DHX40: variants seen among roughly 807,000 people sequenced by gnomAD.
DHX40 encodes probable ATP-dependent RNA helicase DHX40.
DHX40 carries 28 observed loss-of-function variants against 89.6 expected under a neutral mutation model. The ratio of observed to expected loss-of-function variants is 0.31; its 90% CI spans 0.23 to 0.43. The LOEUF (loss-of-function observed/expected upper bound fraction) is 0.43. Among genes scored for constraint, DHX40 ranks in the 20% least tolerant of loss-of-function variants. The pLI, the probability that DHX40 is intolerant of heterozygous loss-of-function variation, is 1.00. For missense variants in DHX40, 457 were observed against 844.0 expected (o/e 0.54, Z 5.68); for synonymous variants, 226 against 283.6 (o/e 0.80, Z 2.04).
Position 59,602,594 on chromosome 17 carries a change from T to C in DHX40, c.1879T>C (p.Tyr627His). Residue 627 changes from tyrosine (Y) to histidine (H), a missense_variant, in exon 15 of 18, where the codon TAT becomes CAT. Coordinates refer to ENST00000251241, the MANE Select transcript of DHX40 (RefSeq NM_024612.5). ...ACTACGAAGATGTCTTTGTGCGGGC[T>C]ATTTCAAAAATGTAGCTCGAAGGTA... The part of the protein sequence containing the change: ...EVLRRCLCAG[Y>H]FKNVARRSVG... 6.2e-7 allele frequency: 1 copy of C among 1,613,886 alleles called. No individual in the cohort carries two copies. Among genetic ancestry groups the C allele is most frequent in the Non-Finnish European group, 8.5e-7 (1 of 1,179,816 alleles).
At chr17:59,591,860 A>C (rs1393819189) in intron 12 of DHX40, among the ~76,000 whole-genome samples, 1 of 151,790 alleles carries the variant, frequency 6.6e-6, no homozygotes, top group Non-Finnish European at 1.5e-5. Flanking sequence ...ACATTAATCA[A>C]AATTCGGAAA....
intron 4 of DHX40, 108 bp downstream of exon 4, chr17:59,573,343 T>G: frequency 3.1e-6 from 3 of 956,940 alleles, no homozygotes; most frequent in Non-Finnish European, 4.5e-6. Flanking sequence ...TAATTTAATT[T>G]TTTAGAGATG....
intron 11 of DHX40, among the ~76,000 whole-genome samples, chr17:59,587,322 C>T (rs2049014021): frequency 6.6e-6 from 1 of 151,114 alleles, no homozygotes; most frequent in African/African-American, 2.4e-5. Flanking sequence ...CTCCCAGGTT[C>T]AAGCAATTCT....
Position 59,573,783 on chromosome 17 carries a change from C to A in DHX40, c.590C>A (p.Ser197Tyr). Reference sequence around the variant, plus strand: ...TTGAAGAAGCTATTTCAGGAGAAGTCTCCTAATAGGAAGGAGCATTTAAAA... The same window carrying A: ...TTGAAGAAGCTATTTCAGGAGAAGTATCCTAATAGGAAGGAGCATTTAAAA... Reference protein sequence around the residue: ...GLLKKLFQEKSPNRKEHLKVV... With the variant: ...GLLKKLFQEKYPNRKEHLKVV... The change falls in exon 5 of 18, where the codon TCT becomes TAT. Residue 197 changes from serine (S) to tyrosine (Y), a missense_variant. Coordinates refer to ENST00000251241, the MANE Select transcript of DHX40 (RefSeq NM_024612.5). The A allele has an allele frequency of 6.2e-7, 1 of 1,613,928 alleles. No individual in the cohort carries two copies. The highest frequency in any genetic ancestry group is 8.5e-7 in the Non-Finnish European group (1 of 1,179,924).
In DHX40 at chr17:59,599,500, T is replaced by A. The variant is rs1298223672; in HGVS notation, c.1806+17T>A. On this transcript the variant is annotated intron_variant, in intron 14 of 17. Transcript: ENST00000251241. The stretch of plus-strand genomic sequence containing the variant: ...CTTAAACAGGTGATTGCCGTAATGT[T>A]TTTTTTCTTGAGTAGCATTTTGGAC... 1 of 1,610,364 alleles carries A rather than the reference T, an allele frequency of 6.2e-7. No homozygotes were observed. The highest frequency in any genetic ancestry group is 1.1e-5 in the South Asian group (1 of 90,782).
chr17:59,589,215 ATT>A (rs1209554990), intron 12 of DHX40, among the ~76,000 whole-genome samples: 43 of 89,290 alleles, frequency 4.8e-4, no homozygotes, highest in Middle Eastern at 8.5e-3. Context: ...ACTTGCTGGG[ATT>A]TTTTTTTTTT....
At chr17:59,581,068 C>A (rs1300369481) in intron 10 of DHX40, among the ~76,000 whole-genome samples, 1 of 150,156 alleles carries the variant, frequency 6.7e-6, no homozygotes, top group Non-Finnish European at 1.5e-5. Flanking sequence ...GTCAACAGAG[C>A]GAGATTCTGT....
chr17:59,603,575 C>A (rs2030667102), intron 15 of DHX40: 1 of 152,090 alleles, frequency 6.6e-6, no homozygotes, highest in Non-Finnish European at 1.5e-5. Flanking sequence ...ACACTTTAAG[C>A]ATCAAAATAA....
intron 7 of DHX40, among the ~76,000 whole-genome samples, chr17:59,576,908 C>T (rs1789956443): frequency 2.0e-5 from 3 of 148,766 alleles, no homozygotes; most frequent in Admixed American, 6.7e-5. Flanking sequence ...CTCGCTCTGT[C>T]GCCCAGGCTG....
At chr17:59,578,221 G>A (rs1481783402) in intron 8 of DHX40, among the ~76,000 whole-genome samples, 1 of 133,576 alleles carries the variant, frequency 7.5e-6, no homozygotes, top group Admixed American at 7.9e-5. Context: ...CAAAGATCCT[G>A]TGTGTTTCTT....
At chr17:59,602,767 G>A (rs1008022464) in intron 15 of DHX40, 151 bp downstream of exon 15, 9 of 730,312 alleles carry the variant, frequency 1.2e-5, no homozygotes, top group African/African-American at 8.9e-5. Flanking sequence ...CTACAGTGAC[G>A]AGGGAGAGCT....
At position 59,607,437 on chromosome 17, in the gene DHX40, G is replaced by A; in HGVS notation, c.*265G>A. On this transcript the variant is annotated 3_prime_UTR_variant, in exon 18 of 18. Transcript: ENST00000251241. ...AGTACATGTAATAATATTTTCCTCA[G>A]TACAATTTTGCTGGCCTTAACTGGT... 1 of 646,854 alleles carries A rather than the reference G, an allele frequency of 1.5e-6. No homozygotes were observed. Among genetic ancestry groups the A allele is most frequent in the Non-Finnish European group, 2.6e-6 (1 of 382,244 alleles). The allele number at this position is 646,854 out of a possible 1,614,324, so 40.1% of individuals were successfully genotyped here. A position where few individuals can be genotyped will look rare whatever the true frequency, so the allele number is the denominator to read the frequency against.
At position 59,607,179 on chromosome 17, in the gene DHX40, G is replaced by A. The variant is rs1271060337; in HGVS notation, c.*7G>A. On this transcript the variant is annotated 3_prime_UTR_variant, in exon 18 of 18. Transcript: ENST00000251241. ...ACGAAAGGAAACAGGCTAAGGTGGT[G>A]AACCCTCCAATTCAGGAAGTGGGAA... is the stretch of plus-strand genomic sequence containing the variant. 1.9e-6 allele frequency: 3 copies of A among 1,614,214 alleles called. No homozygotes were observed. Among genetic ancestry groups the A allele is most frequent in the East Asian group, 2.2e-5 (1 of 44,888 alleles).
At position 59,565,610 on chromosome 17, in the gene DHX40, G is replaced by A; in HGVS notation, c.-62G>A. On this transcript the variant is annotated 5_prime_UTR_variant, in exon 1 of 18. Coordinates refer to ENST00000251241, the MANE Select transcript of DHX40 (RefSeq NM_024612.5). ...CTCTACGTCATCAGGGCGCGTCCTC[G>A]TCTTTCCCCTCCCATCTCCTCAGAT... The A allele has an allele frequency of 1.4e-6, 2 of 1,475,592 alleles. No homozygotes were observed. The highest frequency in any genetic ancestry group is 1.2e-5 in the South Asian group (1 of 81,624). The allele number at this position is 1,475,592 out of a possible 1,614,324, so 91.4% of individuals were successfully genotyped here.
chr17:59,568,833 G>A lies in DHX40; in HGVS notation c.281-1685G>A, dbSNP rs577319101. 6.5e-3 allele frequency among the ~76,000 whole-genome samples: 761 copies of A among 117,344 alleles called. 13 individuals carry two copies. Among genetic ancestry groups the A allele is most frequent in the Middle Eastern group, 8.3e-3 (2 of 240 alleles). 77.0% of individuals were successfully genotyped at this position (117,344 alleles called of 152,430 possible). A position where few individuals can be genotyped will look rare whatever the true frequency, so the allele number is the denominator to read the frequency against. ...AAATATATTAAAATGGTATATGGAA[G>A]GTGCATATATATATATATATAAATA... is the stretch of plus-strand genomic sequence containing the variant. On this transcript the variant is annotated intron_variant, in intron 2 of 17. Transcript: ENST00000251241.
chr17:59,577,072 T>C (rs1295626284), intron 7 of DHX40, 194 bp from the exon 8 acceptor site: 1 of 616,852 alleles, frequency 1.6e-6, no homozygotes, highest in African/African-American at 1.8e-5. Context: ...GGTCTCACCA[T>C]GTTAGCCAGG....
intron 7 of DHX40, chr17:59,576,983 C>T: frequency 5.4e-6 from 2 of 369,712 alleles, no homozygotes; most frequent in South Asian, 2.2e-5. Flanking sequence ...AATTCTCCTG[C>T]CTCAGCCTCC....
At chr17:59,586,036 A>C (rs2048990504) in intron 10 of DHX40, 117 bp from the exon 11 acceptor site, 2 of 758,968 alleles carry the variant, frequency 2.6e-6, no homozygotes, top group South Asian at 1.7e-5. Context: ...TTTTAGAAAA[A>C]GAAGATGACT....
chr17:59,565,679 G>A lies in DHX40; in HGVS notation c.8G>A (p.Arg3Gln), dbSNP rs745310098. 1.2e-6 allele frequency: 2 copies of A among 1,600,828 alleles called. No individual in the cohort carries two copies. The highest frequency in any genetic ancestry group is 1.7e-6 in the Non-Finnish European group (2 of 1,179,318). MSRFPAVAGRAPR... is the reference protein window; with the variant it reads MSQFPAVAGRAPR... The stretch of plus-strand genomic sequence containing the variant: ...CCACTCGGGGCCAGGTCTATGTCCC[G>A]GTTTCCCGCAGTCGCGGGCAGGGCG... Residue 3 changes from arginine (R) to glutamine (Q), a missense_variant, in exon 1 of 18, where the codon CGG (arginine) becomes CAG (glutamine). Around this residue, in one of 9 missense-constraint regions of DHX40, gnomAD observed 75 missense variants for 76.8 expected, o/e 0.98. Coordinates refer to ENST00000251241, the MANE Select transcript of DHX40 (RefSeq NM_024612.5).
Sources: gnomAD v4.1 joint callset for allele counts (sites outside exome capture counted in the v4.1 genomes callset) on GRCh38, gnomAD v4.1.1 for gene constraint, gnomAD v4.1.1 regional missense constraint, MANE v1.5 for transcripts, NCBI Gene and HGNC (gene_info 2026-07-23, HGNC 2026-07-21) for gene names.